UBE2G2: variants seen among roughly 807,000 people sequenced by gnomAD.
The protein encoded by UBE2G2 is ubiquitin conjugating enzyme E2 G2, also known as ubiquitin-conjugating enzyme E2 G2.
In UBE2G2, 10 loss-of-function variants were observed where a neutral mutation model predicts 23.0. The ratio of observed to expected loss-of-function variants is 0.43; its 90% CI spans 0.27 to 0.74. UBE2G2 has a LOEUF of 0.74. UBE2G2 is among the 30% of genes least tolerant of loss of function. The probability of loss-of-function intolerance (pLI) is 0.19; values close to 1 mark genes in which losing one functional copy is unlikely to be tolerated. For synonymous variants in UBE2G2, 86 were observed against 81.3 expected, an observed-to-expected ratio of 1.06 and a Z score of -0.31; for missense variants, 150 against 218.3, an observed-to-expected ratio of 0.69 and a Z score of 1.97.
At chr21:44,799,588 G>C (rs1555964406) in intron 1 of UBE2G2, among the ~76,000 whole-genome samples, 1 of 152,188 alleles carries the variant, frequency 6.6e-6, no homozygotes, top group African/African-American at 2.4e-5. Context: ...TAAAACTGAA[G>C]AGTTAGGACC....
chr21:44,788,178 T>C, intron 1 of UBE2G2, 83 bp from the exon 2 acceptor site: 1 of 1,333,852 alleles, frequency 7.5e-7, no homozygotes. Context: ...ACAAAATATA[T>C]AAGCCTATAA....
intron 3 of UBE2G2, among the ~76,000 whole-genome samples, chr21:44,787,149 A>C (rs2083002998): frequency 6.6e-6 from 1 of 152,166 alleles, no homozygotes; most frequent in Non-Finnish European, 1.5e-5. Context: ...CTGATTACAA[A>C]TTTCAACTTC....
chr21:44,788,287 G>GT (rs71326069), intron 1 of UBE2G2, among the ~76,000 whole-genome samples, 192 bp from the exon 2 acceptor site: 44,739 of 133,618 alleles, frequency 0.33, 8,498 homozygotes, highest in Non-Finnish European at 0.42. Context: ...AAGTTTTTTT[G>GT]TTTTTTTTTT....
chr21:44,779,531 C>T (rs1327205837), intron 3 of UBE2G2, among the ~76,000 whole-genome samples: 1 of 152,120 alleles, frequency 6.6e-6, no homozygotes, highest in Non-Finnish European at 1.5e-5. Context: ...ACACTGGCAC[C>T]CAGCGCCCGG....
At chr21:44,797,803 C>G (rs1243284667) in intron 1 of UBE2G2, among the ~76,000 whole-genome samples, 1 of 146,582 alleles carries the variant, frequency 6.8e-6, no homozygotes, top group Non-Finnish European at 1.5e-5. Context: ...AAAACTAAAA[C>G]AGAGACACAA....
At chr21:44,782,706 A>T (rs964962969) in intron 3 of UBE2G2, among the ~76,000 whole-genome samples, 2 of 152,246 alleles carry the variant, frequency 1.3e-5, no homozygotes, top group African/African-American at 2.4e-5. Flanking sequence ...TCTTTTCAAC[A>T]AATGGTGCTG....
At chr21:44,788,978 A>G (rs2083022026) in intron 1 of UBE2G2, among the ~76,000 whole-genome samples, 1 of 152,186 alleles carries the variant, frequency 6.6e-6, no homozygotes, top group Admixed American at 6.5e-5. Context: ...TCTAAAGATA[A>G]TTAGTAAAAG....
intron 3 of UBE2G2, among the ~76,000 whole-genome samples, chr21:44,782,199 T>C (rs1190068410): frequency 6.6e-6 from 1 of 152,252 alleles, no homozygotes; most frequent in African/African-American, 2.4e-5. Flanking sequence ...AGTTTGGTTA[T>C]TGTTCCAGCT....
In UBE2G2 at chr21:44,777,281, A is replaced by G; in HGVS notation, c.244+18T>C. ...TACCTATCCTGGTACCACAAAAACT[A>G]CTTCCAAAAGCACTTACTGTTGGGA... On this transcript the variant is annotated intron_variant, in intron 4 of 5. Coordinates refer to ENST00000345496, the MANE Select transcript of UBE2G2 (RefSeq NM_003343.6). The G allele has an allele frequency of 2.5e-6, 4 of 1,605,488 alleles. No homozygotes were observed. Among genetic ancestry groups the G allele is most frequent in the Non-Finnish European group, 3.4e-6 (4 of 1,172,438 alleles).
At chr21:44,785,633 A>G (rs2082990819) in intron 3 of UBE2G2, 1 of 152,266 alleles carries the variant, frequency 6.6e-6, no homozygotes, top group Non-Finnish European at 1.5e-5. Context: ...GGAAGCCATC[A>G]AAGAATAAAG....
At chr21:44,794,927 C>A (rs2083074169) in intron 1 of UBE2G2, among the ~76,000 whole-genome samples, 1 of 152,120 alleles carries the variant, frequency 6.6e-6, no homozygotes, top group South Asian at 2.1e-4. Flanking sequence ...CAAATAAACA[C>A]GTGAAATGAT....
intron 1 of UBE2G2, among the ~76,000 whole-genome samples, chr21:44,797,588 G>A (rs1466090815): frequency 2.6e-5 from 4 of 151,894 alleles, no homozygotes; most frequent in Non-Finnish European, 5.9e-5. Context: ...GGTGGCGCGC[G>A]CCTGTAGTCC....
chr21:44,790,011 T>A (rs2083031002), intron 1 of UBE2G2, among the ~76,000 whole-genome samples: 1 of 152,128 alleles, frequency 6.6e-6, no homozygotes, highest in Non-Finnish European at 1.5e-5. Flanking sequence ...TTGTTTAAGC[T>A]CCCTGGTCTT....
chr21:44,788,892 G>A (rs939289383), intron 1 of UBE2G2, among the ~76,000 whole-genome samples: 21 of 151,702 alleles, frequency 1.4e-4, no homozygotes, highest in African/African-American at 5.1e-4. Flanking sequence ...TAAATATAAG[G>A]TATAAGGACT....
chr21:44,779,371 T>TGGG (rs375243003), intron 3 of UBE2G2, among the ~76,000 whole-genome samples: 131 of 75,420 alleles, frequency 1.7e-3, no homozygotes, highest in African/African-American at 7.0e-3. Context: ...GGAGCTGGGG[T>TGGG]GGGGGGGGGG....
chr21:44,768,890 G>A lies in UBE2G2; in HGVS notation c.*2487C>T, dbSNP rs182685677. 88 of 152,320 alleles carry A rather than the reference G, an allele frequency of 5.8e-4. No homozygotes were observed. The highest frequency in any genetic ancestry group is 2.1e-3 in the African/African-American group (86 of 41,552). 9.4% of individuals were successfully genotyped at this position (152,320 alleles called of 1,614,324 possible). On this transcript the variant is annotated 3_prime_UTR_variant, in exon 6 of 6. Transcript: ENST00000345496. ...GAGGAAGACCACAGAATGACAGAAG[G>A]GAGATCAGAAACAGAAGAAAACATG...
rs782327195 is a variant in UBE2G2 at position 44,772,606 on chromosome 21, G to C, written c.385+941C>G. On this transcript the variant is annotated intron_variant, in intron 5 of 5. Coordinates refer to ENST00000345496, the MANE Select transcript of UBE2G2 (RefSeq NM_003343.6). The surrounding 1 kb of genome is among the most constrained non-coding windows in gnomAD (Gnocchi z 5.4). ...ACCCCACATCTTCACTCTCGTGTCT[G>C]ACCCCCTTTTGTGGATGGAGGCCCC... Among the ~76,000 whole-genome samples the C allele has an allele frequency of 1.2e-4, 18 of 151,944 alleles. No individual in the cohort carries two copies. The highest frequency in any genetic ancestry group is 1.9e-4 in the Non-Finnish European group (13 of 67,984).
Position 44,770,350 on chromosome 21 carries a change from A to G in UBE2G2, c.*1027T>C, listed in dbSNP as rs782231687. ...CTGCTCTAGTAATGCACTAGTTACT[A>G]ATATACAAACGTAAATCTTTGATGA... On this transcript the variant is annotated 3_prime_UTR_variant, in exon 6 of 6. Transcript: ENST00000345496. 1.3e-5 allele frequency: 2 copies of G among 152,244 alleles called. No individual in the cohort carries two copies. The highest frequency in any genetic ancestry group is 2.9e-5 in the Non-Finnish European group (2 of 68,034). 9.4% of individuals were successfully genotyped at this position (152,244 alleles called of 1,614,324 possible).
At chr21:44,777,273 C>A in intron 4 of UBE2G2, 26 bp downstream of exon 4, 4 of 1,602,622 alleles carry the variant, frequency 2.5e-6, no homozygotes, top group Non-Finnish European at 1.7e-6. Context: ...CCTGGTACCA[C>A]AAAAACTACT....
Sources: gnomAD v4.1 joint callset for allele counts (sites outside exome capture counted in the v4.1 genomes callset) on GRCh38, gnomAD v4.1.1 for gene constraint, Gnocchi (gnomAD v3.1) non-coding constraint, MANE v1.5 for transcripts, NCBI Gene and HGNC (gene_info 2026-07-23, HGNC 2026-07-21) for gene names.